SNX8: variants seen among roughly 807,000 people sequenced by gnomAD.
SNX8 encodes sorting nexin 8, also known as sorting nexin-8.
A neutral mutation model predicts 51.6 loss-of-function variants in SNX8; 25 were observed. That is an observed-to-expected ratio of 0.48 (90% confidence interval 0.35 to 0.68). SNX8 has a LOEUF of 0.68. Ranked by LOEUF, SNX8 falls within the 30% of genes least tolerant of loss-of-function variation. The pLI, the probability that SNX8 is intolerant of heterozygous loss-of-function variation, is 0.00. For synonymous variants in SNX8, 324 were observed against 277.0 expected, an observed-to-expected ratio of 1.17 and a Z score of -1.68; for missense variants, 695 against 624.0, an observed-to-expected ratio of 1.11 and a Z score of -1.21.
At chr7:2,327,202 T>C (rs1778636794) in intron 1 of SNX8, among the ~76,000 whole-genome samples, 1 of 152,032 alleles carries the variant, frequency 6.6e-6, no homozygotes, top group Non-Finnish European at 1.5e-5. Flanking sequence ...GCCTTCTCCT[T>C]GTATGTCTGT....
At chr7:2,280,888 G>T (rs1291654213) in intron 1 of SNX8, among the ~76,000 whole-genome samples, 4 of 151,858 alleles carry the variant, frequency 2.6e-5, no homozygotes, top group Admixed American at 2.6e-4. Flanking sequence ...CACCTCCCGG[G>T]TTCAAGCAAT....
intron 7 of SNX8, among the ~76,000 whole-genome samples, chr7:2,260,649 A>C (rs1795313992): frequency 6.6e-6 from 1 of 152,104 alleles, no homozygotes; most frequent in African/African-American, 2.4e-5. Context: ...CTTAGGAAAA[A>C]CGGTCCTCGC....
At chr7:2,277,321 G>T (rs2115134372) in intron 2 of SNX8, among the ~76,000 whole-genome samples, 1 of 152,342 alleles carries the variant, frequency 6.6e-6, no homozygotes, top group East Asian at 1.9e-4. Context: ...CAACAGGAGG[G>T]CCGTGTTATT....
At chr7:2,346,009 T>C (rs539035402) in intron 1 of SNX8, among the ~76,000 whole-genome samples, 29 of 152,130 alleles carry the variant, frequency 1.9e-4, no homozygotes, top group Non-Finnish European at 3.7e-4. Flanking sequence ...GGTTTCACCA[T>C]GTTGGCCAGG....
chr7:2,325,826 T>C (rs1438536108), intron 1 of SNX8, among the ~76,000 whole-genome samples: 1 of 151,850 alleles, frequency 6.6e-6, no homozygotes, highest in Non-Finnish European at 1.5e-5. Context: ...AGCAAGACTC[T>C]GTCTCAAAAA....
chr7:2,281,372 T>C (rs1296382295), intron 1 of SNX8, among the ~76,000 whole-genome samples: 5 of 151,834 alleles, frequency 3.3e-5, no homozygotes, highest in Non-Finnish European at 7.4e-5. Context: ...TATGCCAAGA[T>C]TGGGCCACTG....
chr7:2,353,641 T>A (rs1779217788), intron 1 of SNX8, among the ~76,000 whole-genome samples: 1 of 152,018 alleles, frequency 6.6e-6, no homozygotes, highest in Non-Finnish European at 1.5e-5. Flanking sequence ...ATTCACCATG[T>A]TGTACCATCA....
intron 6 of SNX8, among the ~76,000 whole-genome samples, chr7:2,264,086 G>A (rs1198003570): frequency 1.3e-5 from 2 of 151,980 alleles, no homozygotes; most frequent in Non-Finnish European, 2.9e-5. Context: ...GCATTTACTC[G>A]TGCTCAGAAA....
intron 1 of SNX8, among the ~76,000 whole-genome samples, chr7:2,301,490 T>TG (rs1796392306): frequency 6.6e-6 from 1 of 152,206 alleles, no homozygotes; most frequent in Non-Finnish European, 1.5e-5. Context: ...TCCTGCTCCT[T>TG]GCAGAGCAGA....
rs1488175071 is a variant in SNX8 at position 2,252,903 on chromosome 7, CT to C, written c.*2152del. The C allele has an allele frequency of 8.4e-6, 1 of 119,026 alleles. No homozygotes were observed. Among genetic ancestry groups the C allele is most frequent in the Non-Finnish European group, 1.8e-5 (1 of 56,844 alleles). 7.4% of individuals were successfully genotyped at this position (119,026 alleles called of 1,614,324 possible). A position where few individuals can be genotyped will look rare whatever the true frequency, so the allele number is the denominator to read the frequency against. On this transcript the variant is annotated 3_prime_UTR_variant, in exon 11 of 11. Coordinates refer to ENST00000222990, the MANE Select transcript of SNX8 (RefSeq NM_013321.4). ...CCCCTGCCCCCTTGCTCTCTCACCCCTGCCCTCCTGTCCCAACGCCTGCCCT... is the reference window on the plus strand; with the variant it reads ...CCCCTGCCCCCTTGCTCTCTCACCCCGCCCTCCTGTCCCAACGCCTGCCCT...
chr7:2,284,396 C>CTTTTTTTTTTT (rs751803296), intron 1 of SNX8, among the ~76,000 whole-genome samples: 8 of 88,904 alleles, frequency 9.0e-5, no homozygotes, highest in Admixed American at 1.7e-4. Flanking sequence ...CTTTTATTTC[C>CTTTTTTTTTTT]TTTTTTTTTT....
At chr7:2,310,816 G>A (rs4721574) in intron 1 of SNX8, among the ~76,000 whole-genome samples, 45,950 of 151,778 alleles carry the variant, frequency 0.3, 7,206 homozygotes, top group Middle Eastern at 0.46. Context: ...GAAAGCTAGA[G>A]AATATACTAC....
At chr7:2,303,866 G>A (rs970476606) in intron 1 of SNX8, among the ~76,000 whole-genome samples, 2 of 151,758 alleles carry the variant, frequency 1.3e-5, no homozygotes, top group African/African-American at 2.4e-5. Context: ...CTTTGTTCAC[G>A]TGTTTATCTG....
intron 1 of SNX8, among the ~76,000 whole-genome samples, chr7:2,351,881 A>C (rs911506428): frequency 1.4e-5 from 2 of 146,552 alleles, no homozygotes; most frequent in African/African-American, 5.0e-5. Flanking sequence ...CAAAAAATCG[A>C]GTAAGTTTTT....
intron 1 of SNX8, among the ~76,000 whole-genome samples, chr7:2,285,869 G>A (rs992758762): frequency 2.8e-5 from 4 of 141,836 alleles, no homozygotes; most frequent in South Asian, 2.4e-4. Context: ...GTAGATATGC[G>A]GGGGGGTCTC....
intron 1 of SNX8, among the ~76,000 whole-genome samples, chr7:2,286,843 A>T (rs1005212257): frequency 1.3e-5 from 2 of 152,032 alleles, no homozygotes; most frequent in Non-Finnish European, 2.9e-5. Context: ...TTATATTTTT[A>T]AAAAATTAAT....
chr7:2,255,051 A>G lies in SNX8; in HGVS notation c.*5T>C. On this transcript the variant is annotated 3_prime_UTR_variant, in exon 11 of 11. Coordinates refer to ENST00000222990, the MANE Select transcript of SNX8 (RefSeq NM_013321.4). The stretch of plus-strand genomic sequence containing the variant: ...CCGCAGGGAGCACCACCTCAGCCTC[A>G]GGCGCTAGTGAGGACACAGGCCGTC... 5 of 1,546,122 alleles carry G rather than the reference A, an allele frequency of 3.2e-6. No homozygotes were observed. Among genetic ancestry groups the G allele is most frequent in the Non-Finnish European group, 4.4e-6 (5 of 1,139,688 alleles).
At chr7:2,305,657 C>G (rs2115194770) in intron 1 of SNX8, among the ~76,000 whole-genome samples, 1 of 152,180 alleles carries the variant, frequency 6.6e-6, no homozygotes, top group South Asian at 2.1e-4. Context: ...AGCCACCATG[C>G]CCGGCCTGTA....
chr7:2,351,779 C>G (rs543789181), intron 1 of SNX8, among the ~76,000 whole-genome samples: 13 of 147,614 alleles, frequency 8.8e-5, no homozygotes, highest in African/African-American at 3.2e-4. Flanking sequence ...TGCAGTGATC[C>G]GAGATAGCAC....
Sources: gnomAD v4.1 joint callset for allele counts (sites outside exome capture counted in the v4.1 genomes callset) on GRCh38, gnomAD v4.1.1 for gene constraint, MANE v1.5 for transcripts, NCBI Gene and HGNC (gene_info 2026-07-23, HGNC 2026-07-21) for gene names.